Variants in BICRA observed in about 807,000 individuals in gnomAD.
BICRA encodes BRD4-interacting chromatin-remodeling complex-associated protein.
A neutral mutation model predicts 96.9 loss-of-function variants in BICRA; 31 were observed. The observed-to-expected ratio is 0.32, with a 90% CI of 0.24 to 0.43. BICRA has a LOEUF of 0.43. Ranked by LOEUF, BICRA falls within the 20% of genes least tolerant of loss-of-function variation. The pLI is 1.00. For synonymous variants in BICRA, 1,350 were observed against 1,071.8 expected, an observed-to-expected ratio of 1.26 and a Z score of -5.07; for missense variants, 2,283 against 2,190.3, an observed-to-expected ratio of 1.04 and a Z score of -0.84.
intron 1 of BICRA, among the ~76,000 whole-genome samples, chr19:47,618,799 G>A (rs556440964): frequency 3.9e-5 from 6 of 152,324 alleles, no homozygotes; most frequent in Middle Eastern, 3.4e-3. Context: ...TTGAGGGAGC[G>A]CCTGGTGGCC....
At position 47,682,485 on chromosome 19, in the gene BICRA, C is replaced by T. The variant is rs535856638; in HGVS notation, c.2283+333C>T. Among the ~76,000 whole-genome samples the T allele has an allele frequency of 1.4e-4, 22 of 152,288 alleles. No individual in the cohort carries two copies. The South Asian group carries it at 1.9e-3, about 13-fold the overall frequency. On this transcript the variant is annotated intron_variant, in intron 7 of 14. Transcript: ENST00000594866. The stretch of plus-strand genomic sequence containing the variant: ...AAAAAGATGCATAGTGGAAAGCCCC[C>T]GTCTCCTGAACCGTGGCCTCCTGTT...
intron 1 of BICRA, among the ~76,000 whole-genome samples, chr19:47,610,825 G>A (rs1272649175): frequency 6.6e-6 from 1 of 152,156 alleles, no homozygotes; most frequent in African/African-American, 2.4e-5. Context: ...GACCTGCCCT[G>A]GGTCATGAGA....
chr19:47,701,752 C>T lies in BICRA; in HGVS notation c.4020C>T (p.Leu1340=). 1 of 1,546,136 alleles carries T rather than the reference C, an allele frequency of 6.5e-7. No individual in the cohort carries two copies. The highest frequency in any genetic ancestry group is 1.2e-5 in the South Asian group (1 of 84,442). Residue 1340 remains leucine (L), a synonymous_variant, in exon 15 of 15, where the codon CTC becomes CTT. Coordinates refer to ENST00000594866, the MANE Select transcript of BICRA (RefSeq NM_001394372.1). This position sits in a 1 kb window ranked among gnomAD's most constrained non-coding sequence, Gnocchi z 5.4. ...VHQPPPPPAT[L]KVAEPPPRPP... ...AGCCCCCGCCACCCCCCGCTACCCT[C>T]AAGGTGGCCGAGCCCCCGCCACGGC... is the stretch of plus-strand genomic sequence containing the variant.
rs1188133075 is a variant in BICRA at position 47,702,055 on chromosome 19, G to A, written c.4323G>A (p.Gln1441=). 1.3e-6 allele frequency: 2 copies of A among 1,510,244 alleles called. No homozygotes were observed. The highest frequency in any genetic ancestry group is 2.6e-5 in the East Asian group (1 of 37,992). The allele number at this position is 1,510,244 out of a possible 1,614,324, so 93.6% of individuals were successfully genotyped here. A position where few individuals can be genotyped will look rare whatever the true frequency, so the allele number is the denominator to read the frequency against. ...CGGCCGTGGAGGACGAGCTGTACCA[G>A]CGTATGCTGAAGGGCCCCCCGCCAG... ...ELAAVEDELY[Q]RMLKGPPPEP... is the part of the protein sequence containing the mutation. The change falls in exon 15 of 15, where the codon CAG becomes CAA. Residue 1441 remains glutamine, a synonymous_variant. Transcript: ENST00000594866.
In BICRA at chr19:47,701,652, GGCTCAA is replaced by G; in HGVS notation, c.3928_3933del (p.Leu1310_Lys1311del). 1 of 1,599,048 alleles carries G rather than the reference GGCTCAA, an allele frequency of 6.3e-7. No homozygotes were observed. Reference sequence around the variant, plus strand: ...ACCTACGAGGCCCGGAGCCGCATCGGGCTCAAGCTCAAGATCAAGCAGGAAGCCGGG... The same window carrying G: ...ACCTACGAGGCCCGGAGCCGCATCGGGCTCAAGATCAAGCAGGAAGCCGGG... On this transcript the variant is annotated inframe_deletion, in exon 15 of 15. Coordinates refer to ENST00000594866, the MANE Select transcript of BICRA (RefSeq NM_001394372.1). This position sits in a 1 kb window ranked among gnomAD's most constrained non-coding sequence, Gnocchi z 5.4.
chr19:47,685,799 G>GCGTGCGCGCGCGCA (rs141802949), intron 7 of BICRA, among the ~76,000 whole-genome samples: 1 of 148,734 alleles, frequency 6.7e-6, no homozygotes, highest in Non-Finnish European at 1.5e-5. Flanking sequence ...GCGCGCGCGC[G>GCGTGCGCGCGCGCA]CATGCGTACA....
intron 1 of BICRA, among the ~76,000 whole-genome samples, chr19:47,642,460 G>A (rs942047866): frequency 6.6e-6 from 1 of 152,246 alleles, no homozygotes; most frequent in African/African-American, 2.4e-5. Context: ...CAGCACTTTG[G>A]GAGACTGAGG....
intron 1 of BICRA, among the ~76,000 whole-genome samples, chr19:47,638,044 G>A (rs996525969): frequency 5.9e-5 from 9 of 152,140 alleles, no homozygotes; most frequent in Admixed American, 5.2e-4. Context: ...TCTGCCCGGG[G>A]CTGCTCTTCC....
intron 1 of BICRA, chr19:47,662,879 C>T (rs974206782): frequency 1.3e-5 from 2 of 152,224 alleles, no homozygotes; most frequent in African/African-American, 4.8e-5. Flanking sequence ...CACCAGCCCT[C>T]TCACATTTTG....
intron 11 of BICRA, among the ~76,000 whole-genome samples, chr19:47,697,430 G>A (rs916293696): frequency 5.3e-5 from 8 of 150,000 alleles, no homozygotes; most frequent in Non-Finnish European, 1.2e-4. Flanking sequence ...TATATATATT[G>A]TGGAGACAAG....
chr19:47,685,786 T>TGTGTGCGCGCGCGCGC lies in BICRA; in HGVS notation c.2283+3635_2283+3636insTGTGCGCGCGCGCGCG. Among the ~76,000 whole-genome samples, 132 of 117,940 alleles carry TGTGTGCGCGCGCGCGC rather than the reference T, an allele frequency of 1.1e-3. 1 individual carries two copies. The highest frequency in any genetic ancestry group is 3.5e-3 in the East Asian group (10 of 2,864). The allele number at this position is 117,940 out of a possible 152,430, so 77.4% of individuals were successfully genotyped here. A position where few individuals can be genotyped will look rare whatever the true frequency, so the allele number is the denominator to read the frequency against. ...GTGTGTGTGTGTGTGTGTGTGTGTG[T>TGTGTGCGCGCGCGCGC]GCGCGCGCGCGCGCATGCGTACATT... On this transcript the variant is annotated intron_variant, in intron 7 of 14. Coordinates refer to ENST00000594866, the MANE Select transcript of BICRA (RefSeq NM_001394372.1).
intron 1 of BICRA, among the ~76,000 whole-genome samples, chr19:47,610,154 C>A (rs534467099): frequency 6.6e-6 from 1 of 152,336 alleles, no homozygotes; most frequent in Non-Finnish European, 1.5e-5. Context: ...CTCCCCGGGC[C>A]CCTGCGGAGG....
rs750137105 is a variant in BICRA at position 47,680,271 on chromosome 19, G to T, written c.1101G>T (p.Thr367=). Residue 367 remains threonine (T), a synonymous_variant, in exon 6 of 15, where the codon ACG becomes ACT. Transcript: ENST00000594866. ...TGCCGCCCAAGCTCTACCAGCTGAC[G>T]CCCAAGCCGTTTGCGCCCGCGGGCG... The part of the protein sequence containing the change: ...GVLPPKLYQL[T]PKPFAPAGAT... 15 of 1,559,672 alleles carry T rather than the reference G, an allele frequency of 9.6e-6. No homozygotes were observed. The highest frequency in any genetic ancestry group is 5.5e-5 in the Admixed American group (3 of 54,696).
At position 47,703,059 on chromosome 19, in the gene BICRA, G is replaced by C. The variant is rs1052444796; in HGVS notation, c.*644G>C. 6.6e-6 allele frequency: 1 copy of C among 152,544 alleles called. No individual in the cohort carries two copies. Among genetic ancestry groups the C allele is most frequent in the African/African-American group, 2.4e-5 (1 of 41,374 alleles). 9.4% of individuals were successfully genotyped at this position (152,544 alleles called of 1,614,324 possible). A position where few individuals can be genotyped will look rare whatever the true frequency, so the allele number is the denominator to read the frequency against. ...AAATCTGAGCAAAACAAGAAACTGG[G>C]GTCTTCCTCTCCCCCGAACCTCTCC... On this transcript the variant is annotated 3_prime_UTR_variant, in exon 15 of 15. Transcript: ENST00000594866.
chr19:47,622,027 T>A (rs1599785248), intron 1 of BICRA, among the ~76,000 whole-genome samples: 1 of 151,456 alleles, frequency 6.6e-6, no homozygotes, highest in Non-Finnish European at 1.5e-5. Context: ...AGTGCAGTGG[T>A]GCGATTTTGG....
chr19:47,699,482 CG>C lies in BICRA; in HGVS notation c.3595+81del, dbSNP rs1322734474. Reference sequence around the variant, plus strand: ...CTGGGCAGAAGAGTTAGATTCAGGGCGGGGAGTGGGTGTGTGGCCCTACCTC... The same window carrying C: ...CTGGGCAGAAGAGTTAGATTCAGGGCGGGAGTGGGTGTGTGGCCCTACCTC... On this transcript the variant is annotated intron_variant, in intron 14 of 14. Transcript: ENST00000594866. The surrounding 1 kb of genome is among the most constrained non-coding windows in gnomAD (Gnocchi z 5.0). 3 of 847,676 alleles carry C rather than the reference CG, an allele frequency of 3.5e-6. No individual in the cohort carries two copies. Among genetic ancestry groups the C allele is most frequent in the Non-Finnish European group, 5.9e-6 (3 of 512,572 alleles). 52.5% of individuals were successfully genotyped at this position (847,676 alleles called of 1,614,324 possible). A position where few individuals can be genotyped will look rare whatever the true frequency, so the allele number is the denominator to read the frequency against.
chr19:47,640,216 G>A (rs1972363430), intron 1 of BICRA, among the ~76,000 whole-genome samples: 1 of 152,180 alleles, frequency 6.6e-6, no homozygotes, highest in Non-Finnish European at 1.5e-5. Context: ...AGTTTTGGGA[G>A]TGGGGATGTG....
At chr19:47,644,300 C>T (rs1257550788) in intron 1 of BICRA, among the ~76,000 whole-genome samples, 2 of 152,046 alleles carry the variant, frequency 1.3e-5, no homozygotes, top group Non-Finnish European at 2.9e-5. Context: ...GTTGGGATTA[C>T]AGGTGTGAGC....
intron 1 of BICRA, among the ~76,000 whole-genome samples, chr19:47,635,249 A>ATTT (rs373765609): frequency 2.2e-5 from 3 of 137,232 alleles, no homozygotes; most frequent in African/African-American, 2.7e-5. Flanking sequence ...CATTTCTAGG[A>ATTT]TTTTTTTTTT....
Sources: gnomAD v4.1 joint callset for allele counts (sites outside exome capture counted in the v4.1 genomes callset) on GRCh38, gnomAD v4.1.1 for gene constraint, Gnocchi (gnomAD v3.1) non-coding constraint, MANE v1.5 for transcripts, NCBI Gene and HGNC (gene_info 2026-07-23, HGNC 2026-07-21) for gene names.